The following CACNA1B variants were observed in gnomAD, a reference collection of about 807,000 sequenced individuals.
The protein encoded by CACNA1B is calcium voltage-gated channel subunit alpha1 B.
CACNA1B carries 70 observed loss-of-function variants against 247.2 expected under a neutral mutation model. The observed-to-expected ratio is 0.28, with a 90% CI of 0.23 to 0.35. The LOEUF (loss-of-function observed/expected upper bound fraction) is 0.35, where lower values mean the gene tolerates loss of function less well. CACNA1B is among the 10% of genes least tolerant of loss of function. The pLI is 1.00. For synonymous variants in CACNA1B, 1,231 were observed against 1,294.4 expected (o/e 0.95, Z 1.05); for missense variants, 2,367 against 3,197.4 (o/e 0.74, Z 6.26).
In CACNA1B at chr9:137,950,501, C is replaced by T. The variant is rs1957866618; in HGVS notation, c.967-1773C>T. Reference sequence around the variant, plus strand: ...CTTCCTACTTGGCTTTCTCTGACAGCACCCCATGGAGGGTGAGGGGATTCG... The same window carrying T: ...CTTCCTACTTGGCTTTCTCTGACAGTACCCCATGGAGGGTGAGGGGATTCG... On this transcript the variant is annotated intron_variant, in intron 6 of 46. Coordinates refer to ENST00000371372, the MANE Select transcript of CACNA1B (RefSeq NM_000718.4). This position sits in a 1 kb window ranked among gnomAD's most constrained non-coding sequence, Gnocchi z 4.8. Among the ~76,000 whole-genome samples, 1 of 152,206 alleles carries T rather than the reference C, an allele frequency of 6.6e-6. No homozygotes were observed. Among genetic ancestry groups the T allele is most frequent in the Non-Finnish European group, 1.5e-5 (1 of 68,036 alleles).
At chr9:137,896,570 T>C (rs1213245223) in intron 3 of CACNA1B, among the ~76,000 whole-genome samples, 1 of 152,244 alleles carries the variant, frequency 6.6e-6, no homozygotes, top group Non-Finnish European at 1.5e-5. Context: ...TCATGAAGGC[T>C]ATTGGTCTGT....
At chr9:138,032,480 C>T (rs571168611) in intron 20 of CACNA1B, among the ~76,000 whole-genome samples, 2 of 152,024 alleles carry the variant, frequency 1.3e-5, no homozygotes, top group South Asian at 4.1e-4. Flanking sequence ...TTCTTTCGTC[C>T]TTCCTGATAT....
chr9:138,071,295 A>G (rs1960124558), intron 32 of CACNA1B, among the ~76,000 whole-genome samples: 2 of 152,220 alleles, frequency 1.3e-5, no homozygotes, highest in Non-Finnish European at 2.9e-5. Context: ...CTCAGGTAGA[A>G]GTAAGGAAGG....
chr9:138,071,950 G>A (rs973689574), intron 32 of CACNA1B, among the ~76,000 whole-genome samples: 5 of 151,908 alleles, frequency 3.3e-5, no homozygotes, highest in African/African-American at 9.7e-5. Flanking sequence ...ACGGGACTGC[G>A]GCCCTCCACC....
chr9:138,105,698 G>T lies in CACNA1B; in HGVS notation c.5320-1G>T. 6.5e-7 allele frequency: 1 copy of T among 1,540,924 alleles called. No individual in the cohort carries two copies. Among genetic ancestry groups the T allele is most frequent in the Non-Finnish European group, 8.8e-7 (1 of 1,138,410 alleles). ...CCCTGACCGGCCCTGCTTGTCCCTA[G>T]CGCCTGGTTCGCATGAACATGCCCA... On this transcript the variant is annotated splice_acceptor_variant, in intron 38 of 46. Transcript: ENST00000371372. LOFTEE classifies it high-confidence loss of function.
At chr9:138,115,457 T>C in intron 41 of CACNA1B, 95 bp from the exon 42 acceptor site, 1 of 1,354,852 alleles carries the variant, frequency 7.4e-7, no homozygotes, top group Non-Finnish European at 1.0e-6. Context: ...GAACATGACC[T>C]GGCTTTTGCC....
In CACNA1B at chr9:137,955,809, G is replaced by A; in HGVS notation, c.1182G>A (p.Lys394=). Residue 394 remains lysine, a synonymous_variant, in exon 8 of 47, where the codon AAG becomes AAA. Coordinates refer to ENST00000371372, the MANE Select transcript of CACNA1B (RefSeq NM_000718.4). The surrounding 1 kb of genome is among the most constrained non-coding windows in gnomAD (Gnocchi z 6.9). Reference sequence around the variant, plus strand: ...ACGGGTACCTGGAGTGGATCTTCAAGGCGGGTGAGGGCCCGTGGGAGCCAC... The same window carrying A: ...ACGGGTACCTGGAGTGGATCTTCAAAGCGGGTGAGGGCCCGTGGGAGCCAC... ...ELNGYLEWIF[K]AEEVMLAEED... 6.3e-7 allele frequency: 1 copy of A among 1,590,798 alleles called. No homozygotes were observed. Among genetic ancestry groups the A allele is most frequent in the South Asian group, 1.1e-5 (1 of 89,016 alleles).
chr9:138,121,301 G>A lies in CACNA1B; in HGVS notation c.6490-168G>A, dbSNP rs992895908. ...CTGACCCTGACCATCGCCCTCCCCC[G>A]CACACAGGTGCCTGTTGCCTCCCTG... is the stretch of plus-strand genomic sequence containing the variant. On this transcript the variant is annotated intron_variant, in intron 46 of 46. Transcript: ENST00000371372. This position sits in a 1 kb window ranked among gnomAD's most constrained non-coding sequence, Gnocchi z 6.8. 2.6e-5 allele frequency among the ~76,000 whole-genome samples: 4 copies of A among 151,536 alleles called. No homozygotes were observed. Among genetic ancestry groups the A allele is most frequent in the Non-Finnish European group, 4.4e-5 (3 of 67,938 alleles).
In CACNA1B at chr9:137,891,999, T is replaced by C. The variant is rs1264925459; in HGVS notation, c.530+9116T>C. On this transcript the variant is annotated intron_variant, in intron 3 of 46. Coordinates refer to ENST00000371372, the MANE Select transcript of CACNA1B (RefSeq NM_000718.4). The surrounding 1 kb of genome is among the most constrained non-coding windows in gnomAD (Gnocchi z 4.3). ...CACAGGAGCCTGGTGAAAAGGGCCTTGCGCCTTGGTCCTCCTCACTCAGTG... is the reference window on the plus strand; with the variant it reads ...CACAGGAGCCTGGTGAAAAGGGCCTCGCGCCTTGGTCCTCCTCACTCAGTG... 1 of 456,154 alleles carries C rather than the reference T, an allele frequency of 2.2e-6. No individual in the cohort carries two copies. The highest frequency in any genetic ancestry group is 1.6e-5 in the South Asian group (1 of 64,396). 28.3% of individuals were successfully genotyped at this position (456,154 alleles called of 1,614,324 possible).
intron 43 of CACNA1B, among the ~76,000 whole-genome samples, chr9:138,118,407 G>A (rs1220619951): frequency 1.8e-5 from 2 of 112,444 alleles, no homozygotes; most frequent in Non-Finnish European, 3.7e-5. Flanking sequence ...GGGGACATGT[G>A]AGACTTGGGT....
chr9:138,022,182 C>T (rs1708258374), intron 18 of CACNA1B, among the ~76,000 whole-genome samples: 1 of 152,182 alleles, frequency 6.6e-6, no homozygotes, highest in African/African-American at 2.4e-5. Flanking sequence ...TGCTGGAGGG[C>T]TCCGAGGACC....
rs375571291 is a variant in CACNA1B, at chr9:137,888,314, C to A, written c.530+5431C>A. Among the ~76,000 whole-genome samples, 17 of 152,032 alleles carry A rather than the reference C, an allele frequency of 1.1e-4. No individual in the cohort carries two copies. Among genetic ancestry groups the A allele is most frequent in the African/African-American group, 3.6e-4 (15 of 41,506 alleles). On this transcript the variant is annotated intron_variant, in intron 3 of 46. Coordinates refer to ENST00000371372, the MANE Select transcript of CACNA1B (RefSeq NM_000718.4). The surrounding 1 kb of genome is among the most constrained non-coding windows in gnomAD (Gnocchi z 4.7). Reference sequence around the variant, plus strand: ...TGCCCCAGCCAGTCTCACGTGCATCCACGCTCCCAGTCCTGTCCCCACGTC... The same window carrying A: ...TGCCCCAGCCAGTCTCACGTGCATCAACGCTCCCAGTCCTGTCCCCACGTC...
intron 35 of CACNA1B, among the ~76,000 whole-genome samples, chr9:138,077,199 T>C (rs1960355424): frequency 6.6e-6 from 1 of 151,984 alleles, no homozygotes; most frequent in African/African-American, 2.4e-5. Flanking sequence ...CAGTGAGGAG[T>C]GGGCCCAGCT....
chr9:138,027,534 G>A (rs1046801365), intron 20 of CACNA1B, among the ~76,000 whole-genome samples: 9 of 151,884 alleles, frequency 5.9e-5, no homozygotes, highest in Admixed American at 2.6e-4. Context: ...CCTTGTTTCC[G>A]CCTACATTAA....
intron 15 of CACNA1B, among the ~76,000 whole-genome samples, chr9:137,987,288 C>G (rs933751406): frequency 7.2e-5 from 11 of 152,170 alleles, no homozygotes; most frequent in Non-Finnish European, 1.0e-4. Context: ...AAACTACCCC[C>G]CTCAGCTCCT....
chr9:138,055,160 A>T (rs1238698243), intron 26 of CACNA1B, among the ~76,000 whole-genome samples: 3 of 147,834 alleles, frequency 2.0e-5, no homozygotes, highest in Non-Finnish European at 3.0e-5. Context: ...AGGATCTCAC[A>T]CTTTTGCCCA....
In CACNA1B at chr9:137,986,740, C is replaced by T. The variant is rs200377315; in HGVS notation, c.1902-42C>T. 3.3e-5 allele frequency: 50 copies of T among 1,536,734 alleles called. No homozygotes were observed. The African/African-American group carries it at 6.4e-4, about 20-fold the overall frequency. ...GGAGCCTGCAGGCGCTGCCTCGCTG[C>T]TGACGGGACTGCCACTTCCCAAGCC... On this transcript the variant is annotated intron_variant, in intron 14 of 46. Coordinates refer to ENST00000371372, the MANE Select transcript of CACNA1B (RefSeq NM_000718.4). The surrounding 1 kb of genome is among the most constrained non-coding windows in gnomAD (Gnocchi z 6.0).
At position 138,086,298 on chromosome 9, in the gene CACNA1B, C is replaced by T. The variant is rs189479505; in HGVS notation, c.5094+8040C>T. Reference sequence around the variant, plus strand: ...GTAAAGGGATGAAAAACATACTCCACGTAAACAGAAACCAAATTGAGCAGG... The same window carrying T: ...GTAAAGGGATGAAAAACATACTCCATGTAAACAGAAACCAAATTGAGCAGG... On this transcript the variant is annotated intron_variant, in intron 36 of 46. Transcript: ENST00000371372. Among the ~76,000 whole-genome samples, 905 of 151,282 alleles carry T rather than the reference C, an allele frequency of 6.0e-3. 41 individuals are homozygous for T. The highest frequency in any genetic ancestry group is 0.018 in the African/African-American group (724 of 40,950).
chr9:138,057,762 A>G lies in CACNA1B; in HGVS notation c.3999A>G (p.Glu1333=). The G allele has an allele frequency of 1.2e-6, 2 of 1,612,838 alleles. No homozygotes were observed. Among genetic ancestry groups the G allele is most frequent in the Non-Finnish European group, 1.7e-6 (2 of 1,179,228 alleles). The change falls in exon 27 of 47, where the codon GAA becomes GAG. Residue 1333 remains glutamate (E), a synonymous_variant. Transcript: ENST00000371372. This position sits in a 1 kb window ranked among gnomAD's most constrained non-coding sequence, Gnocchi z 4.0. ...AGTATTTGGATTATGAGAAGGAGGA[A>G]GTGGAAGCTCAGCCCAGGCAGTGGA... ...RGQYLDYEKE[E]VEAQPRQWKK...
Sources: gnomAD v4.1 joint callset for allele counts (sites outside exome capture counted in the v4.1 genomes callset) on GRCh38, gnomAD v4.1.1 for gene constraint, Gnocchi (gnomAD v3.1) non-coding constraint, MANE v1.5 for transcripts, NCBI Gene and HGNC (gene_info 2026-07-23, HGNC 2026-07-21) for gene names.